TSHR: variants seen among roughly 807,000 people sequenced by gnomAD.
TSHR encodes the protein thyrotropin receptor.
TSHR carries 51 observed loss-of-function variants against 64.1 expected under a neutral mutation model. The observed-to-expected ratio is 0.80, with a 90% CI of 0.64 to 1.01. The LOEUF is 1.01. Among genes scored for constraint, TSHR ranks in the 50% least tolerant of loss-of-function variants. The pLI is 0.00. For missense variants in TSHR, 877 were observed against 942.8 expected (o/e 0.93, Z 0.91); for synonymous variants, 361 against 361.9 (o/e 1.00, Z 0.03).
chr14:81,059,875 C>A (rs1298710178), intron 1 of TSHR, among the ~76,000 whole-genome samples: 1 of 152,068 alleles, frequency 6.6e-6, no homozygotes, highest in Non-Finnish European at 1.5e-5. Flanking sequence ...GGAAAAAGAT[C>A]TTTGTTCAGA....
intron 3 of TSHR, among the ~76,000 whole-genome samples, chr14:81,072,461 A>C (rs1425265058): frequency 6.6e-6 from 1 of 152,208 alleles, no homozygotes; most frequent in Admixed American, 6.5e-5. Context: ...CAGGGCAGCT[A>C]CTAAAATGCT....
chr14:80,979,699 A>G (rs1220594652), intron 1 of TSHR, among the ~76,000 whole-genome samples: 1 of 152,240 alleles, frequency 6.6e-6, no homozygotes, highest in African/African-American at 2.4e-5. Context: ...AAAGACAAAG[A>G]AAAACAGACA....
In TSHR at chr14:81,091,068, G is replaced by A. The variant is rs1197607123; in HGVS notation, c.393-1G>A. On this transcript the variant is annotated splice_acceptor_variant, in intron 4 of 9. Transcript: ENST00000298171. LOFTEE classifies it high-confidence loss of function. ...TTTTTCTCTTTTTTTCATTAATTTA[G>A]TGGCATTTTCAACACTGGACTTAAA... 1 of 1,609,904 alleles carries A rather than the reference G, an allele frequency of 6.2e-7. No individual in the cohort carries two copies. Among genetic ancestry groups the A allele is most frequent in the Admixed American group, 1.7e-5 (1 of 59,956 alleles).
At chr14:81,014,722 C>T (rs1185609251) in intron 1 of TSHR, among the ~76,000 whole-genome samples, 1 of 152,154 alleles carries the variant, frequency 6.6e-6, no homozygotes, top group African/African-American at 2.4e-5. Flanking sequence ...CATAAAATAA[C>T]TTAGAGACTT....
rs1181387627 is a variant in TSHR at position 81,103,150 on chromosome 14, G to T, written c.615-5225G>T. The T allele has an allele frequency of 7.1e-6, 7 of 985,300 alleles. No homozygotes were observed. The highest frequency in any genetic ancestry group is 8.4e-6 in the Non-Finnish European group (7 of 829,934). 61.0% of individuals were successfully genotyped at this position (985,300 alleles called of 1,614,324 possible). ...GAGGAAGACAAGGATTGAGCTATAG[G>T]TGAAGGAAAGAAAGGTCAAGGTTCC... is the stretch of plus-strand genomic sequence containing the variant. On this transcript the variant is annotated intron_variant, in intron 7 of 9. Coordinates refer to ENST00000298171, the MANE Select transcript of TSHR (RefSeq NM_000369.5). This position sits in a 1 kb window ranked among gnomAD's most constrained non-coding sequence, Gnocchi z 4.1.
Position 81,103,502 on chromosome 14 carries a change from C to T in TSHR, c.615-4873C>T, listed in dbSNP as rs1478962595. 1 of 985,330 alleles carries T rather than the reference C, an allele frequency of 1.0e-6. No individual in the cohort carries two copies. The highest frequency in any genetic ancestry group is 1.2e-6 in the Non-Finnish European group (1 of 829,948). 61.0% of individuals were successfully genotyped at this position (985,330 alleles called of 1,614,324 possible). On this transcript the variant is annotated intron_variant, in intron 7 of 9. Coordinates refer to ENST00000298171, the MANE Select transcript of TSHR (RefSeq NM_000369.5). This position sits in a 1 kb window ranked among gnomAD's most constrained non-coding sequence, Gnocchi z 4.1. ...AAAATGTAACTGAATAATACAATTA[C>T]AGCCAAGCTGGACAAATTCCACATC...
At chr14:81,126,482 A>G (rs939502963) in intron 8 of TSHR, among the ~76,000 whole-genome samples, 1 of 152,240 alleles carries the variant, frequency 6.6e-6, no homozygotes. Context: ...TAAACTAGAT[A>G]GCTTTTCTTC....
At chr14:80,980,927 G>T (rs530761269) in intron 1 of TSHR, among the ~76,000 whole-genome samples, 1 of 151,992 alleles carries the variant, frequency 6.6e-6, no homozygotes, top group South Asian at 2.1e-4. Context: ...TGTCTGTTCT[G>T]TTTCATATAT....
intron 1 of TSHR, among the ~76,000 whole-genome samples, chr14:80,976,554 A>G (rs1887885407): frequency 6.6e-6 from 1 of 152,142 alleles, no homozygotes; most frequent in African/African-American, 2.4e-5. Flanking sequence ...GGCTGGGGTT[A>G]TTGCACTTGT....
At chr14:81,037,934 C>CAAA (rs561276007) in intron 1 of TSHR, among the ~76,000 whole-genome samples, 2 of 142,494 alleles carry the variant, frequency 1.4e-5, no homozygotes, top group Non-Finnish European at 3.1e-5. Context: ...TGAAAATCAG[C>CAAA]AAAAAAAAAA....
rs1447864733 is a variant in TSHR at position 81,139,709 on chromosome 14, T to G, written c.723T>G (p.Leu241=). The G allele has an allele frequency of 6.2e-7, 1 of 1,614,192 alleles. No individual in the cohort carries two copies. Among genetic ancestry groups the G allele is most frequent in the Non-Finnish European group, 8.5e-7 (1 of 1,180,032 alleles). The part of the protein sequence containing the change: ...LDVSQTSVTA[L]PSKGLEHLKE... ...TGTCTCAAACCAGTGTCACTGCCCT[T>G]CCATCCAAAGGCCTGGAGCACCTGA... Residue 241 remains leucine, a synonymous_variant, in exon 9 of 10, where the codon CTT becomes CTG. Coordinates refer to ENST00000298171, the MANE Select transcript of TSHR (RefSeq NM_000369.5).
At chr14:80,983,435 C>A in intron 1 of TSHR, 1 of 1,276,310 alleles carries the variant, frequency 7.8e-7, no homozygotes. Context: ...CAGCCAGAGA[C>A]ATGATCAATA....
chr14:81,122,390 G>C (rs1890840340), intron 8 of TSHR, among the ~76,000 whole-genome samples: 1 of 151,544 alleles, frequency 6.6e-6, no homozygotes, highest in African/African-American at 2.4e-5. Context: ...AACTTAGCAA[G>C]AGGTTTGTTC....
intron 1 of TSHR, among the ~76,000 whole-genome samples, chr14:81,020,277 G>T (rs1883676223): frequency 6.6e-6 from 1 of 152,142 alleles, no homozygotes; most frequent in African/African-American, 2.4e-5. Context: ...TTTAGAACAG[G>T]AGTCCCCAAC....
At chr14:81,130,096 T>A (rs1891175904) in intron 8 of TSHR, among the ~76,000 whole-genome samples, 1 of 152,250 alleles carries the variant, frequency 6.6e-6, no homozygotes, top group Admixed American at 6.5e-5. Context: ...GATTGAATAT[T>A]ACACGGCCTT....
intron 1 of TSHR, chr14:81,053,088 C>T (rs1233955831): frequency 6.6e-6 from 1 of 152,080 alleles, no homozygotes. Context: ...AGTTGAAAGT[C>T]CTGAGAACCA....
chr14:80,984,605 G>A (rs1888343732), intron 1 of TSHR, among the ~76,000 whole-genome samples: 1 of 152,134 alleles, frequency 6.6e-6, no homozygotes, highest in South Asian at 2.1e-4. Flanking sequence ...TCCCCTGAAG[G>A]ACATTTTGAG....
intron 1 of TSHR, chr14:80,992,613 T>C (rs1888801025): frequency 6.6e-6 from 1 of 152,072 alleles, no homozygotes; most frequent in South Asian, 2.1e-4. Flanking sequence ...AAAACAAGGA[T>C]TAGCATTTAA....
In TSHR at chr14:81,108,361, C is replaced by G; in HGVS notation, c.615-14C>G. ...TAATTCATTCTCTCTCTCTCTTTCT[C>G]TCTCTCCCTCTAGTTACCTAAACAA... On this transcript the variant is annotated splice_polypyrimidine_tract_variant and intron_variant, in intron 7 of 9. Transcript: ENST00000298171. 1 of 1,435,282 alleles carries G rather than the reference C, an allele frequency of 7.0e-7. No individual in the cohort carries two copies. Among genetic ancestry groups the G allele is most frequent in the Non-Finnish European group, 9.7e-7 (1 of 1,033,698 alleles). The allele number at this position is 1,435,282 out of a possible 1,614,324, so 88.9% of individuals were successfully genotyped here.
Sources: gnomAD v4.1 joint callset for allele counts (sites outside exome capture counted in the v4.1 genomes callset) on GRCh38, gnomAD v4.1.1 for gene constraint, Gnocchi (gnomAD v3.1) non-coding constraint, MANE v1.5 for transcripts, NCBI Gene and HGNC (gene_info 2026-07-23, HGNC 2026-07-21) for gene names.